ITGA10: variants seen among roughly 807,000 people sequenced by gnomAD.
ITGA10 encodes the protein integrin subunit alpha 10.
A neutral mutation model predicts 145.2 loss-of-function variants in ITGA10; 105 were observed. The observed-to-expected ratio is 0.72, with a 90% CI of 0.62 to 0.85. The LOEUF (loss-of-function observed/expected upper bound fraction) is 0.85, where lower values mean the gene tolerates loss of function less well. Ranked by LOEUF, ITGA10 falls within the 40% of genes least tolerant of loss-of-function variation. ITGA10 has a pLI of 0.00. For missense variants in ITGA10, 1,317 were observed against 1,444.5 expected, an observed-to-expected ratio of 0.91 and a Z score of 1.43; for synonymous variants, 506 against 557.8, an observed-to-expected ratio of 0.91 and a Z score of 1.31.
intron 19 of ITGA10, 68 bp from the exon 20 acceptor site, chr1:145,897,721 TATC>T: frequency 6.2e-7 from 1 of 1,612,270 alleles, no homozygotes; most frequent in Non-Finnish European, 8.5e-7. Context: ...TCACTTTTGT[TATC>T]ATGGGTAAGA....
Position 145,903,809 on chromosome 1 carries a change from C to T in ITGA10, c.758+243G>A, listed in dbSNP as rs189326962. On this transcript the variant is annotated intron_variant, in intron 7 of 29. Coordinates refer to ENST00000369304, the MANE Select transcript of ITGA10 (RefSeq NM_003637.5). The stretch of plus-strand genomic sequence containing the variant: ...TTAAGTGATTCTCCTGCCTCAGCCT[C>T]CGAAGTAGCATGCCTCTGAACAGGC... Among the ~76,000 whole-genome samples the T allele has an allele frequency of 1.5e-3, 226 of 152,222 alleles. 1 individual carries two copies. The highest frequency in any genetic ancestry group is 5.2e-3 in the African/African-American group (216 of 41,514).
chr1:145,907,302 T>G, intron 2 of ITGA10, 52 bp downstream of exon 2: 1 of 1,613,730 alleles, frequency 6.2e-7, no homozygotes, highest in Non-Finnish European at 8.5e-7. Context: ...TGCCTCCCCT[T>G]TGTTAGCACT....
chr1:145,896,223 G>A, intron 24 of ITGA10, 45 bp downstream of exon 24: 1 of 1,533,926 alleles, frequency 6.5e-7, no homozygotes, highest in South Asian at 1.1e-5. Context: ...CAAAGCTGTT[G>A]TTCCCCCACA....
intron 26 of ITGA10, 110 bp from the exon 27 acceptor site, chr1:145,895,503 T>C (rs1655257125): frequency 7.5e-7 from 1 of 1,327,588 alleles, no homozygotes; most frequent in Non-Finnish European, 1.1e-6. Context: ...TCCATTTTCA[T>C]TCCCACTCCA....
chr1:145,905,881 G>A (rs1260165527), intron 5 of ITGA10: 1 of 154,198 alleles, frequency 6.5e-6, no homozygotes, highest in Non-Finnish European at 1.4e-5. Flanking sequence ...ACTGTGCCAG[G>A]CCAGATCATG....
chr1:145,907,411 G>A lies in ITGA10; in HGVS notation c.107C>T (p.Pro36Leu). The A allele has an allele frequency of 6.2e-7, 1 of 1,614,140 alleles. No homozygotes were observed. The highest frequency in any genetic ancestry group is 8.5e-7 in the Non-Finnish European group (1 of 1,180,036). ...DEHHPRLFPG[P>L]PEAEFGYSVL... Reference sequence around the variant, plus strand: ...ACTGTATCCAAATTCAGCTTCTGGTGGCCCTGGGAATAGGCGTGGGTGATG... The same window carrying A: ...ACTGTATCCAAATTCAGCTTCTGGTAGCCCTGGGAATAGGCGTGGGTGATG... Residue 36 changes from proline to leucine, a missense_variant, in exon 2 of 30, where the codon CCA (proline) becomes CTA (leucine). Coordinates refer to ENST00000369304, the MANE Select transcript of ITGA10 (RefSeq NM_003637.5).
At chr1:145,902,735 C>T in intron 8 of ITGA10, 76 bp downstream of exon 8, 1 of 1,544,786 alleles carries the variant, frequency 6.5e-7, no homozygotes, top group East Asian at 2.2e-5. Flanking sequence ...CCTCAAGTTC[C>T]CAGTCCTTGG....
rs1553748575 is a variant in ITGA10 at position 145,901,601 on chromosome 1, C to T, written c.1358G>A (p.Arg453Gln). The T allele has an allele frequency of 4.4e-6, 7 of 1,606,552 alleles. No homozygotes were observed. Among genetic ancestry groups the T allele is most frequent in the Admixed American group, 3.4e-5 (2 of 58,196 alleles). Residue 453 changes from arginine to glutamine, a missense_variant, in exon 12 of 30, where the codon CGA (arginine) becomes CAA (glutamine). Arg to Gln is a conservative substitution (Grantham distance 43, BLOSUM62 1). Coordinates refer to ENST00000369304, the MANE Select transcript of ITGA10 (RefSeq NM_003637.5). The surrounding 1 kb of genome is among the most constrained non-coding windows in gnomAD (Gnocchi z 4.3). ...GRRLFLSGAP[R>Q]FRHRGKVIAF... is the part of the protein sequence containing the mutation. ...GATGACTTTTCCTCGATGTCTAAAT[C>T]GAGGAGCCCCAGAGAGAAACAGGCG...
Position 145,892,722 on chromosome 1 carries a change from G to T in ITGA10, c.*76C>A. 1 of 1,146,450 alleles carries T rather than the reference G, an allele frequency of 8.7e-7. No individual in the cohort carries two copies. Among genetic ancestry groups the T allele is most frequent in the Non-Finnish European group, 1.3e-6 (1 of 762,354 alleles). 71.0% of individuals were successfully genotyped at this position (1,146,450 alleles called of 1,614,324 possible). ...AGAGGCGGCTTCTTGTCCCATCTGAGCCCCCAAACCTCTGCTTTTATGCAA... is the reference window on the plus strand; with the variant it reads ...AGAGGCGGCTTCTTGTCCCATCTGATCCCCCAAACCTCTGCTTTTATGCAA... On this transcript the variant is annotated 3_prime_UTR_variant, in exon 30 of 30. Coordinates refer to ENST00000369304, the MANE Select transcript of ITGA10 (RefSeq NM_003637.5).
rs1471081333 is a variant in ITGA10, at chr1:145,892,306, C to G, written c.*492G>C. On this transcript the variant is annotated 3_prime_UTR_variant, in exon 30 of 30. Transcript: ENST00000369304. ...CGGCTCTATGAATCACCAGAGTCCA[C>G]AGGAAAGCAGCAGATGTTGACTTTA... 1 of 154,098 alleles carries G rather than the reference C, an allele frequency of 6.5e-6. No individual in the cohort carries two copies. The highest frequency in any genetic ancestry group is 1.4e-5 in the Non-Finnish European group (1 of 69,138). The allele number at this position is 154,098 out of a possible 1,614,324, so 9.5% of individuals were successfully genotyped here. A position where few individuals can be genotyped will look rare whatever the true frequency, so the allele number is the denominator to read the frequency against.
At chr1:145,905,853 G>A (rs1424753890) in intron 5 of ITGA10, 2 of 152,944 alleles carry the variant, frequency 1.3e-5, no homozygotes, top group Non-Finnish European at 2.9e-5. Context: ...CAAAATGTTG[G>A]GATTACAGGC....
intron 23 of ITGA10, 46 bp downstream of exon 23, chr1:145,896,723 T>A: frequency 6.9e-7 from 1 of 1,446,688 alleles, no homozygotes; most frequent in Non-Finnish European, 9.7e-7. Flanking sequence ...CATAAGGGTA[T>A]GAGTCTGAGG....
At chr1:145,898,838 T>G in intron 17 of ITGA10, 98 bp downstream of exon 17, 1 of 1,425,014 alleles carries the variant, frequency 7.0e-7, no homozygotes, top group Non-Finnish European at 9.5e-7. Flanking sequence ...TTTTCCCGGC[T>G]TTGGCTTTCT....
intron 1 of ITGA10, 49 bp downstream of exon 1, chr1:145,909,914 C>CT (rs748123266): frequency 3.7e-5 from 55 of 1,502,840 alleles, no homozygotes; most frequent in Non-Finnish European, 4.9e-5. Flanking sequence ...TCCAAACAAT[C>CT]TATGTATCTT....
chr1:145,900,869 G>T lies in ITGA10; in HGVS notation c.1712C>A (p.Ala571Glu). 1 of 1,614,030 alleles carries T rather than the reference G, an allele frequency of 6.2e-7. No individual in the cohort carries two copies. Among genetic ancestry groups the T allele is most frequent in the Non-Finnish European group, 8.5e-7 (1 of 1,180,010 alleles). The change falls in exon 14 of 30, where the codon GCG becomes GAG. Residue 571 changes from alanine to glutamate, a missense_variant. Transcript: ENST00000369304. ...QDGFADVAVG[A>E]PLEDGHQGAL... ...TCCCTGGTGCCCATCTTCCAGAGGC[G>T]CCCCCACAGCCACATCAGCAAAACC...
intron 27 of ITGA10, among the ~76,000 whole-genome samples, chr1:145,894,760 A>G (rs1553744310): frequency 6.6e-6 from 1 of 152,192 alleles, no homozygotes; most frequent in African/African-American, 2.4e-5. Context: ...ACCACTCCCC[A>G]GTACAAATCC....
intron 21 of ITGA10, 30 bp from the exon 22 acceptor site, chr1:145,897,117 G>C: frequency 1.3e-6 from 2 of 1,596,230 alleles, no homozygotes; most frequent in Non-Finnish European, 8.6e-7. Context: ...GGTAATGGTA[G>C]AGTCTTCCTC....
Position 145,893,556 on chromosome 1 carries a change from G to C in ITGA10, c.3308C>G (p.Ala1103Gly), listed in dbSNP as rs1443550695. 1 of 1,611,460 alleles carries C rather than the reference G, an allele frequency of 6.2e-7. No individual in the cohort carries two copies. Among genetic ancestry groups the C allele is most frequent in the Non-Finnish European group, 8.5e-7 (1 of 1,178,890 alleles). Residue 1103 changes from alanine to glycine, a missense_variant, in exon 28 of 30, where the codon GCC becomes GGC. By Grantham distance (60) the Ala-to-Gly change is moderately conservative. Coordinates refer to ENST00000369304, the MANE Select transcript of ITGA10 (RefSeq NM_003637.5). ...EEGSVLQLTE[A>G]SRWSESLLEV... is the part of the protein sequence containing the mutation. ...CAGCCCTACCTCACTCCAACGGGAG[G>C]CTTCAGTCAGCTGTAGGACACTGCC...
At chr1:145,893,452 C>G (rs1263228766) in intron 28 of ITGA10, 88 bp downstream of exon 28, 26 of 1,072,258 alleles carry the variant, frequency 2.4e-5, no homozygotes, top group African/African-American at 7.9e-5. Flanking sequence ...GATGGAGATG[C>G]CTTCGTTCTG....
Sources: allele counts gnomAD v4.1 joint callset (sites outside exome capture counted in the v4.1 genomes callset), GRCh38; gene constraint gnomAD v4.1.1; non-coding constraint Gnocchi (gnomAD v3.1); transcripts MANE v1.5; gene names NCBI Gene and HGNC (gene_info 2026-07-23, HGNC 2026-07-21).